CCDC171: variants seen among roughly 807,000 people sequenced by gnomAD.
CCDC171 encodes the protein coiled-coil domain containing 171.
Under a neutral mutation model 168.2 loss-of-function variants are expected in CCDC171, and 177 were observed. The ratio of observed to expected loss-of-function variants is 1.05; its 90% CI spans 0.93 to 1.19. The LOEUF (loss-of-function observed/expected upper bound fraction) is 1.19, where lower values mean the gene tolerates loss of function less well. CCDC171 is among the 50% of genes most tolerant of loss of function. The pLI, the probability that CCDC171 is intolerant of heterozygous loss-of-function variation, is 0.00. For synonymous variants in CCDC171, 687 were observed against 540.8 expected, an observed-to-expected ratio of 1.27 and a Z score of -3.75; for missense variants, 1,991 against 1,539.0, an observed-to-expected ratio of 1.29 and a Z score of -4.91.
intron 10 of CCDC171, among the ~76,000 whole-genome samples, chr9:15,683,552 C>CT (rs895820272): frequency 2.6e-5 from 4 of 151,952 alleles, no homozygotes; most frequent in Non-Finnish European, 4.4e-5. Context: ...ATAAATATCA[C>CT]TTTCCGTTTC....
chr9:15,791,957 G>C (rs1223030913), intron 21 of CCDC171, among the ~76,000 whole-genome samples: 6 of 152,166 alleles, frequency 3.9e-5, no homozygotes, highest in African/African-American at 1.4e-4. Context: ...ACCAGCAATG[G>C]AACAAAGCTG....
chr9:15,584,331 G>A (rs775370660), intron 4 of CCDC171, among the ~76,000 whole-genome samples: 4 of 152,152 alleles, frequency 2.6e-5, no homozygotes, highest in Non-Finnish European at 5.9e-5. Flanking sequence ...CAAAACACAG[G>A]TTAACAAGAG....
At chr9:15,616,342 T>G (rs2044082433) in intron 6 of CCDC171, among the ~76,000 whole-genome samples, 1 of 152,060 alleles carries the variant, frequency 6.6e-6, no homozygotes, top group African/African-American at 2.4e-5. Flanking sequence ...CACCTTGGCC[T>G]CAAAGTGCTG....
chr9:15,709,630 A>G (rs983847157), intron 11 of CCDC171, among the ~76,000 whole-genome samples: 1 of 152,178 alleles, frequency 6.6e-6, no homozygotes, highest in African/African-American at 2.4e-5. Flanking sequence ...GGGAAAAATA[A>G]TCAAATAACA....
chr9:15,980,995 G>A (rs544582941), intron 3 of CCDC171, among the ~76,000 whole-genome samples: 1 of 152,118 alleles, frequency 6.6e-6, no homozygotes, highest in South Asian at 2.1e-4. Context: ...TTACATGGAT[G>A]GCAGCAGGCA....
At chr9:16,043,954 C>A (rs772663684) in intron 1 of CCDC171, among the ~76,000 whole-genome samples, 3 of 152,176 alleles carry the variant, frequency 2.0e-5, no homozygotes, top group Non-Finnish European at 4.4e-5. Flanking sequence ...ATAGGCAAAC[C>A]TAGCCAAGGA....
intron 11 of CCDC171, among the ~76,000 whole-genome samples, chr9:15,706,632 T>C (rs1002399885): frequency 6.6e-6 from 1 of 152,174 alleles, no homozygotes; most frequent in Non-Finnish European, 1.5e-5. Flanking sequence ...ATAGTTTCAC[T>C]TATGCCTGAG....
intron 9 of CCDC171, among the ~76,000 whole-genome samples, chr9:15,675,716 CT>C (rs2049498447): frequency 6.6e-6 from 1 of 152,304 alleles, no homozygotes; most frequent in African/African-American, 2.4e-5. Context: ...TCTCTTCTGG[CT>C]TGTAGGGTTT....
intron 23 of CCDC171, among the ~76,000 whole-genome samples, chr9:15,856,125 A>G (rs2061340401): frequency 6.6e-6 from 1 of 151,846 alleles, no homozygotes. Context: ...GCTTCTGTTT[A>G]TCTTGGAATG....
At chr9:15,832,149 A>T (rs2060260753) in intron 21 of CCDC171, among the ~76,000 whole-genome samples, 1 of 152,122 alleles carries the variant, frequency 6.6e-6, no homozygotes, top group South Asian at 2.1e-4. Context: ...AAAGAATTTT[A>T]TTTTTTAAAC....
intron 24 of CCDC171, among the ~76,000 whole-genome samples, chr9:15,913,355 C>G (rs1456652177): frequency 1.3e-5 from 2 of 152,130 alleles, no homozygotes; most frequent in African/African-American, 4.8e-5. Flanking sequence ...GTTTGTATTT[C>G]TGTGGGAGCA....
the CCDC171 span, among the ~76,000 whole-genome samples, chr9:16,106,252 T>A: frequency 0.067 from 10,242 of 152,280 alleles, 454 homozygotes; most frequent in Admixed American, 0.1. Flanking sequence ...CAACTGCTTT[T>A]TTGTTCTCTC....
intron 18 of CCDC171, among the ~76,000 whole-genome samples, chr9:15,755,130 T>A (rs2134950320): frequency 6.6e-6 from 1 of 152,228 alleles, no homozygotes; most frequent in African/African-American, 2.4e-5. Context: ...AAATAGGAAT[T>A]TTTCCTCCCA....
rs572211123 is a variant in CCDC171 at position 15,753,490 on chromosome 9, G to C, written c.2671+7859G>C. Among the ~76,000 whole-genome samples, 9 of 152,158 alleles carry C rather than the reference G, an allele frequency of 5.9e-5. No homozygotes were observed. In the South Asian group the frequency reaches 1.9e-3, roughly 32 times the overall value. On this transcript the variant is annotated intron_variant, in intron 18 of 25. Transcript: ENST00000380701. ...CATTGGCATGGGGTCAAATTACAGAGGTTTTATAAAACTAGGCAGTAATTT... is the reference window on the plus strand; with the variant it reads ...CATTGGCATGGGGTCAAATTACAGACGTTTTATAAAACTAGGCAGTAATTT...
intron 21 of CCDC171, among the ~76,000 whole-genome samples, chr9:15,804,836 C>T (rs2059000528): frequency 6.6e-6 from 1 of 152,080 alleles, no homozygotes; most frequent in Admixed American, 6.6e-5. Flanking sequence ...ATGGTACTGG[C>T]TCTTCTTTGT....
At chr9:16,008,759 G>A (rs1832778448) in intron 3 of CCDC171, among the ~76,000 whole-genome samples, 1 of 152,096 alleles carries the variant, frequency 6.6e-6, no homozygotes, top group Non-Finnish European at 1.5e-5. Flanking sequence ...ATTTATTGAA[G>A]GCATGAGGTA....
At chr9:16,089,668 C>T in the CCDC171 span, among the ~76,000 whole-genome samples, 7 of 151,552 alleles carry the variant, frequency 4.6e-5, no homozygotes, top group Admixed American at 2.0e-4. Context: ...TGTCAGAAAA[C>T]TTTTGCAATC....
chr9:15,623,364 A>C lies in CCDC171; in HGVS notation c.773A>C (p.Glu258Ala). 1 of 1,612,558 alleles carries C rather than the reference A, an allele frequency of 6.2e-7. No homozygotes were observed. The change falls in exon 7 of 26, where the codon GAA becomes GCA. Residue 258 changes from glutamate to alanine, a missense_variant. Glu to Ala is a moderately radical substitution (Grantham distance 107, BLOSUM62 -1). Coordinates refer to ENST00000380701, the MANE Select transcript of CCDC171 (RefSeq NM_173550.4). Reference sequence around the variant, plus strand: ...GACCTTTTACGGCGACAAACAAGTGAACTTGAATTTAGCACTCAACGAGAG... The same window carrying C: ...GACCTTTTACGGCGACAAACAAGTGCACTTGAATTTAGCACTCAACGAGAG... ...CSDLLRRQTS[E>A]LEFSTQREER...
chr9:15,933,206 A>G (rs1447152540), intron 25 of CCDC171, among the ~76,000 whole-genome samples: 4 of 151,970 alleles, frequency 2.6e-5, no homozygotes, highest in Non-Finnish European at 5.9e-5. Flanking sequence ...TTTCAGCAGT[A>G]AAGCCATCAG....
Sources: allele counts gnomAD v4.1 joint callset (sites outside exome capture counted in the v4.1 genomes callset), GRCh38; gene constraint gnomAD v4.1.1; transcripts MANE v1.5; gene names NCBI Gene and HGNC (gene_info 2026-07-23, HGNC 2026-07-21).